CD4: variants seen among roughly 807,000 people sequenced by gnomAD.
CD4 encodes the protein T-cell surface glycoprotein CD4.
A neutral mutation model predicts 50.5 loss-of-function variants in CD4; 25 were observed. The observed-to-expected ratio is 0.49, with a 90% confidence interval of 0.36 to 0.69. The LOEUF (loss-of-function observed/expected upper bound fraction) is 0.69. CD4 is among the 30% of genes least tolerant of loss of function. CD4 has a pLI of 0.00. For missense variants in CD4, 456 were observed against 548.5 expected (o/e 0.83, Z 1.68); for synonymous variants, 207 against 221.9 (o/e 0.93, Z 0.60).
At chr12:6,803,356 C>T (rs1262777724) in intron 3 of CD4, among the ~76,000 whole-genome samples, 2 of 151,130 alleles carry the variant, frequency 1.3e-5, no homozygotes, top group South Asian at 2.1e-4. Context: ...ACCATGTTGA[C>T]CAGGGTGGTC....
chr12:6,794,775 G>GTTTTTTTTTT (rs763211966), intron 1 of CD4, among the ~76,000 whole-genome samples: 2,367 of 112,000 alleles, frequency 0.021, 231 homozygotes, highest in Middle Eastern at 0.05. Context: ...CTGTATGTCT[G>GTTTTTTTTTT]TTTTTTTTTT....
intron 1 of CD4, among the ~76,000 whole-genome samples, chr12:6,793,461 G>A (rs371979713): frequency 2.8e-4 from 42 of 152,162 alleles, no homozygotes; most frequent in African/African-American, 9.9e-4. Flanking sequence ...ACCACTCTTT[G>A]GTATGAGGCT....
intron 3 of CD4, among the ~76,000 whole-genome samples, chr12:6,812,467 GTTGGGCA>G (rs1416607760): frequency 6.6e-6 from 1 of 152,170 alleles, no homozygotes; most frequent in Admixed American, 6.5e-5. Flanking sequence ...ATCACCTGAG[GTTGGGCA>G]TTCGAGACCA....
Position 6,816,360 on chromosome 12 carries a change from A to T in CD4, c.912A>T (p.Lys304Asn). The T allele has an allele frequency of 6.2e-7, 1 of 1,614,190 alleles. No homozygotes were observed. The highest frequency in any genetic ancestry group is 1.1e-5 in the South Asian group (1 of 91,084). ...ACCTCACCCTGGCCCTTGAAGCGAAAACAGGAAAGTTGCATCAGGAAGTGA... is the reference window on the plus strand; with the variant it reads ...ACCTCACCCTGGCCCTTGAAGCGAATACAGGAAAGTTGCATCAGGAAGTGA... ...SGNLTLALEA[K>N]TGKLHQEVNL... The change falls in exon 6 of 10, where the codon AAA becomes AAT. Residue 304 changes from lysine (K) to asparagine (N), a missense_variant. Physicochemically the swap from Lys to Asn is moderately conservative, Grantham distance 94. Transcript: ENST00000011653. The surrounding 1 kb of genome is among the most constrained non-coding windows in gnomAD (Gnocchi z 4.9).
intron 1 of CD4, among the ~76,000 whole-genome samples, chr12:6,791,656 G>A (rs181198290): frequency 6.6e-6 from 1 of 152,346 alleles, no homozygotes; most frequent in East Asian, 1.9e-4. Context: ...CGAGGCAGGA[G>A]GATGGCTTGA....
At chr12:6,811,082 G>A (rs1380237201) in intron 3 of CD4, among the ~76,000 whole-genome samples, 1 of 152,064 alleles carries the variant, frequency 6.6e-6, no homozygotes, top group Non-Finnish European at 1.5e-5. Context: ...TGACTGAACT[G>A]GTATCCAGGC....
chr12:6,808,021 A>G (rs1304897513), intron 3 of CD4, among the ~76,000 whole-genome samples: 2 of 141,080 alleles, frequency 1.4e-5, no homozygotes, highest in African/African-American at 5.4e-5. Flanking sequence ...TGGAGGTTGC[A>G]GTGAGCCGAG....
intron 3 of CD4, among the ~76,000 whole-genome samples, chr12:6,803,202 G>A (rs973963841): frequency 1.3e-5 from 2 of 152,130 alleles, no homozygotes; most frequent in African/African-American, 4.8e-5. Flanking sequence ...CTAGGCTGGA[G>A]TGCAGTGGCA....
At chr12:6,801,878 CTTT>C (rs782299083) in intron 3 of CD4, among the ~76,000 whole-genome samples, 2 of 114,096 alleles carry the variant, frequency 1.8e-5, no homozygotes, top group Non-Finnish European at 3.7e-5. Flanking sequence ...TTTTTTTCTA[CTTT>C]TTTTTTTTTG....
intron 7 of CD4, among the ~76,000 whole-genome samples, chr12:6,817,812 C>T (rs1314847280): frequency 5.3e-5 from 8 of 151,270 alleles, no homozygotes; most frequent in Admixed American, 3.9e-4. Context: ...TGTACTCACA[C>T]CCATGCACTC....
intron 3 of CD4, among the ~76,000 whole-genome samples, chr12:6,806,270 A>T (rs916493774): frequency 6.6e-6 from 1 of 151,978 alleles, no homozygotes; most frequent in African/African-American, 2.4e-5. Flanking sequence ...CTATACACAC[A>T]CGTGTGTGTA....
At chr12:6,798,836 T>C (rs1230571359) in intron 1 of CD4, 6 of 152,364 alleles carry the variant, frequency 3.9e-5, no homozygotes, top group Admixed American at 3.9e-4. Context: ...ACTCAGCAGC[T>C]GCAGGGGTCC....
intron 1 of CD4, among the ~76,000 whole-genome samples, chr12:6,790,786 G>A (rs1156461335): frequency 6.6e-6 from 1 of 152,198 alleles, no homozygotes; most frequent in Non-Finnish European, 1.5e-5. Flanking sequence ...GTTTCCTGGG[G>A]TACGTTCTGA....
intron 5 of CD4, 182 bp from the exon 6 acceptor site, chr12:6,815,874 G>T: frequency 2.6e-6 from 4 of 1,520,444 alleles, no homozygotes; most frequent in Non-Finnish European, 2.6e-6. Context: ...GAAAATGCTG[G>T]GTGGAAGAAG....
At chr12:6,790,961 A>G (rs1942138192) in intron 1 of CD4, among the ~76,000 whole-genome samples, 1 of 152,136 alleles carries the variant, frequency 6.6e-6, no homozygotes, top group South Asian at 2.1e-4. Context: ...TTTGACCAAT[A>G]ATTCCTTGTG....
rs1555115033 is a variant in CD4 at position 6,800,315 on chromosome 12, C to A, written c.58C>A (p.Pro20Thr). The change falls in exon 3 of 10, where the codon CCA (proline) becomes ACA (threonine). Residue 20 changes from proline to threonine, a missense_variant. By Grantham distance (38) the Pro-to-Thr change is conservative (BLOSUM62 -1). Transcript: ENST00000011653. ...LLLVLQLALL[P>T]AATQGKKVVL... ...CTTTCTTTTCCACTTAGCGCTCCTCCCAGCAGCCACTCAGGGAAAGAAAGT... is the reference window on the plus strand; with the variant it reads ...CTTTCTTTTCCACTTAGCGCTCCTCACAGCAGCCACTCAGGGAAAGAAAGT... The A allele has an allele frequency of 6.2e-7, 1 of 1,613,884 alleles. No homozygotes were observed. Among genetic ancestry groups the A allele is most frequent in the Non-Finnish European group, 8.5e-7 (1 of 1,179,950 alleles).
In CD4 at chr12:6,815,136, C is replaced by A. The variant is rs1943052911; in HGVS notation, c.607+144C>A. The A allele has an allele frequency of 1.7e-5, 11 of 631,422 alleles. No homozygotes were observed. In the South Asian group the frequency reaches 2.2e-4, roughly 13 times the overall value. The allele number at this position is 631,422 out of a possible 1,614,324, so 39.1% of individuals were successfully genotyped here. ...TAGGTCCCCTAGAGCTGAGGCCTGT[C>A]TTGAAGGACTCACTGGGGCCCTCAT... On this transcript the variant is annotated intron_variant, in intron 5 of 9. Transcript: ENST00000011653.
In CD4 at chr12:6,816,346, G is replaced by A. The variant is rs1555117945; in HGVS notation, c.898G>A (p.Ala300Thr). ...QYAGSGNLTL[A>T]LEAKTGKLHQ... Reference sequence around the variant, plus strand: ...TGCTGGCTCTGGAAACCTCACCCTGGCCCTTGAAGCGAAAACAGGAAAGTT... The same window carrying A: ...TGCTGGCTCTGGAAACCTCACCCTGACCCTTGAAGCGAAAACAGGAAAGTT... Residue 300 changes from alanine to threonine, a missense_variant, in exon 6 of 10, where the codon GCC becomes ACC. Coordinates refer to ENST00000011653, the MANE Select transcript of CD4 (RefSeq NM_000616.5). This position sits in a 1 kb window ranked among gnomAD's most constrained non-coding sequence, Gnocchi z 4.9. 6.2e-7 allele frequency: 1 copy of A among 1,614,216 alleles called. No homozygotes were observed. The highest frequency in any genetic ancestry group is 1.1e-5 in the South Asian group (1 of 91,086).
In CD4 at chr12:6,816,365, G is replaced by T; in HGVS notation, c.917G>T (p.Gly306Val). 6.2e-7 allele frequency: 1 copy of T among 1,613,658 alleles called. No homozygotes were observed. ...NLTLALEAKT[G>V]KLHQEVNLVV... ...ACCCTGGCCCTTGAAGCGAAAACAG[G>T]AAAGTTGCATCAGGAAGTGAACCTG... Residue 306 changes from glycine to valine, a missense_variant, in exon 6 of 10, where the codon GGA (glycine) becomes GTA (valine). Coordinates refer to ENST00000011653, the MANE Select transcript of CD4 (RefSeq NM_000616.5). The surrounding 1 kb of genome is among the most constrained non-coding windows in gnomAD (Gnocchi z 4.9).
Sources: allele counts gnomAD v4.1 joint callset (sites outside exome capture counted in the v4.1 genomes callset), GRCh38; gene constraint gnomAD v4.1.1; non-coding constraint Gnocchi (gnomAD v3.1); transcripts MANE v1.5; gene names NCBI Gene and HGNC (gene_info 2026-07-23, HGNC 2026-07-21).